IL13RA1: variants seen among roughly 807,000 people sequenced by gnomAD.
The protein encoded by IL13RA1 is interleukin-13 receptor subunit alpha-1.
In IL13RA1, 14 loss-of-function variants were observed where a neutral mutation model predicts 33.8. The ratio of observed to expected loss-of-function variants is 0.41; its 90% CI spans 0.27 to 0.65. The LOEUF (loss-of-function observed/expected upper bound fraction) is 0.65. Among genes scored for constraint, IL13RA1 ranks in the 30% least tolerant of loss-of-function variants. The probability of loss-of-function intolerance (pLI) is 0.28; values close to 1 mark genes in which losing one functional copy is unlikely to be tolerated. For missense variants in IL13RA1, 313 were observed against 327.0 expected (o/e 0.96, Z 0.33); for synonymous variants, 116 against 115.7 (o/e 1.00, Z -0.02).
chrX:118,798,816 G>A (rs1431028372), downstream of IL13RA1, among the ~76,000 whole-genome samples: 1 of 112,810 alleles, frequency 8.9e-6, no homozygotes, highest in African/African-American at 3.2e-5. Flanking sequence ...GCCCTCGCTC[G>A]CTCTCGGCGC....
chrX:118,800,655 G>A, the IL13RA1 span, among the ~76,000 whole-genome samples: 9 of 111,375 alleles, frequency 8.1e-5, no homozygotes, highest in Non-Finnish European at 1.1e-4. Context: ...CCACCAATTC[G>A]GGACAGTGGC....
In IL13RA1 at chrX:118,747,065, G is replaced by C; in HGVS notation, c.340G>C (p.Val114Leu). The change falls in exon 3 of 11, where the codon GTT becomes CTT. Residue 114 changes from valine to leucine, a missense_variant. By Grantham distance (32) the Val-to-Leu change is conservative. Transcript: ENST00000371666. Reference protein sequence around the residue: ...TNESEKPSILVEKCISPPEGD... With the variant: ...TNESEKPSILLEKCISPPEGD... ...TGAGAGTGAGAAGCCTAGCATTTTG[G>C]TTGAAAAATGCATCTCACCCCCAGA... is the stretch of plus-strand genomic sequence containing the variant. 8.6e-7 allele frequency: 1 copy of C among 1,167,998 alleles called. No homozygotes were observed. The highest frequency in any genetic ancestry group is 1.2e-6 in the Non-Finnish European group (1 of 858,682).
intron 4 of IL13RA1, among the ~76,000 whole-genome samples, chrX:118,751,757 G>C (rs1157255285): frequency 9.0e-6 from 1 of 110,671 alleles, no homozygotes; most frequent in Admixed American, 9.6e-5. Context: ...GAGAGAATGG[G>C]ATGTGGAGAG....
chrX:118,740,941 A>G (rs1438110714), intron 1 of IL13RA1, 76 bp from the exon 2 acceptor site: 3 of 683,288 alleles, frequency 4.4e-6, no homozygotes, highest in Non-Finnish European at 7.2e-6. Flanking sequence ...CTTGTCCTCT[A>G]GGACTTGGGA....
At chrX:118,769,364 A>G (rs979383728) in intron 8 of IL13RA1, among the ~76,000 whole-genome samples, 10 of 112,631 alleles carry the variant, frequency 8.9e-5, no homozygotes, top group Non-Finnish European at 1.7e-4. Context: ...TGGAACTGGA[A>G]TTTGAGGCCT....
intron 3 of IL13RA1, among the ~76,000 whole-genome samples, chrX:118,748,073 A>T (rs2147373348): frequency 9.8e-6 from 1 of 102,319 alleles, no homozygotes; most frequent in African/African-American, 3.5e-5. Flanking sequence ...TAACACATAT[A>T]TATACTATAT....
At chrX:118,786,239 A>T (rs1055565104) in intron 10 of IL13RA1, among the ~76,000 whole-genome samples, 19 of 110,274 alleles carry the variant, frequency 1.7e-4, no homozygotes, top group Non-Finnish European at 3.2e-4. Context: ...AAATACAAAA[A>T]AATTAGCCAG....
intron 6 of IL13RA1, among the ~76,000 whole-genome samples, chrX:118,764,643 G>A (rs760638520): frequency 1.8e-5 from 2 of 111,518 alleles, no homozygotes; most frequent in Non-Finnish European, 3.8e-5. Context: ...AAGTTTAAAC[G>A]TCTCTTTGAT....
chrX:118,798,811 C>T (rs910954490), downstream of IL13RA1, among the ~76,000 whole-genome samples: 19 of 112,810 alleles, frequency 1.7e-4, no homozygotes, highest in South Asian at 2.2e-3. Context: ...TCACAGCCCT[C>T]GCTCGCTCTC....
intron 10 of IL13RA1, among the ~76,000 whole-genome samples, chrX:118,779,872 G>A (rs192202863): frequency 8.9e-6 from 1 of 111,942 alleles, no homozygotes; most frequent in East Asian, 2.8e-4. Flanking sequence ...TAGAGTGAAT[G>A]ATGGTAACAT....
chrX:118,766,375 G>A (rs1183137432), intron 6 of IL13RA1, among the ~76,000 whole-genome samples, 155 bp from the exon 7 acceptor site: 2 of 110,447 alleles, frequency 1.8e-5, no homozygotes, highest in African/African-American at 6.6e-5. Flanking sequence ...AATTGACCCA[G>A]CACCATTTAT....
At chrX:118,785,610 G>A (rs1196897970) in intron 10 of IL13RA1, among the ~76,000 whole-genome samples, 1 of 110,492 alleles carries the variant, frequency 9.1e-6, no homozygotes, top group Non-Finnish European at 1.9e-5. Context: ...TCACTCCATC[G>A]CCCAGGCTGG....
Position 118,776,494 on chromosome X carries a change from C to A in IL13RA1, c.1174C>A (p.Gln392Lys), listed in dbSNP as rs2017781691. Reference protein sequence around the residue: ...GKIFKEMFGDQNDDTLHWKKY... With the variant: ...GKIFKEMFGDKNDDTLHWKKY... ...GATTTTTAAAGAAATGTTTGGAGAC[C>A]AGAATGATGATACTCTGGTAAGAAC... Residue 392 changes from glutamine to lysine, a missense_variant, in exon 10 of 11, where the codon CAG becomes AAG. Physicochemically the swap from Gln to Lys is moderately conservative, Grantham distance 53. Coordinates refer to ENST00000371666, the MANE Select transcript of IL13RA1 (RefSeq NM_001560.3). The A allele has an allele frequency of 2.5e-6, 2 of 808,414 alleles. No homozygotes were observed. The highest frequency in any genetic ancestry group is 1.9e-6 in the Non-Finnish European group (1 of 540,118). 66.6% of individuals were successfully genotyped at this position (808,414 alleles called of 1,213,427 possible).
Position 118,729,530 on chromosome X carries a change from A to G in IL13RA1, c.88+1804A>G, listed in dbSNP as rs753547554. ...CTGTGAAATGAGGAGGTTGAACTGC[A>G]TAAATTCTAAGAGCTCCTCCAGCTC... is the stretch of plus-strand genomic sequence containing the variant. On this transcript the variant is annotated intron_variant, in intron 1 of 10. Transcript: ENST00000371666. Among the ~76,000 whole-genome samples the G allele has an allele frequency of 4.5e-5, 5 of 111,815 alleles. No homozygotes were observed. In the South Asian group the frequency reaches 1.8e-3, roughly 41 times the overall value.
At chrX:118,768,579 G>A (rs767262234) in intron 8 of IL13RA1, among the ~76,000 whole-genome samples, 2 of 112,366 alleles carry the variant, frequency 1.8e-5, no homozygotes, top group African/African-American at 6.5e-5. Flanking sequence ...ACCTTATTTG[G>A]AAATAGGATT....
At chrX:118,771,632 C>T (rs774160296) in intron 8 of IL13RA1, among the ~76,000 whole-genome samples, 37 of 112,160 alleles carry the variant, frequency 3.3e-4, no homozygotes, top group African/African-American at 1.1e-3. Flanking sequence ...TGGCACTCTG[C>T]CTTAAATATA....
At chrX:118,753,162 G>C (rs760098695) in intron 4 of IL13RA1, among the ~76,000 whole-genome samples, 5 of 112,339 alleles carry the variant, frequency 4.5e-5, no homozygotes, top group African/African-American at 1.6e-4. Context: ...CCAGCTATTA[G>C]AATCAGGGTG....
At chrX:118,747,352 C>T (rs758702100) in intron 3 of IL13RA1, among the ~76,000 whole-genome samples, 5 of 109,227 alleles carry the variant, frequency 4.6e-5, no homozygotes, top group South Asian at 4.0e-4. Flanking sequence ...CACATGCACG[C>T]GCGCGCACAC....
chrX:118,750,798 GTTGT>G (rs770914572), intron 4 of IL13RA1, among the ~76,000 whole-genome samples: 45 of 110,717 alleles, frequency 4.1e-4, no homozygotes, highest in South Asian at 1.5e-3. Context: ...GGGTCAAAAA[GTTGT>G]TTGTTTGTTT....
Sources: allele counts gnomAD v4.1 joint callset (sites outside exome capture counted in the v4.1 genomes callset), GRCh38; gene constraint gnomAD v4.1.1; transcripts MANE v1.5; gene names NCBI Gene and HGNC (gene_info 2026-07-23, HGNC 2026-07-21).